CRB2: variants seen among roughly 807,000 people sequenced by gnomAD.
CRB2 encodes crumbs cell polarity complex component 2, also known as protein crumbs homolog 2.
A neutral mutation model predicts 110.9 loss-of-function variants in CRB2; 85 were observed. The ratio of observed to expected loss-of-function variants is 0.77; its 90% CI spans 0.64 to 0.92. CRB2 has a LOEUF of 0.92. CRB2 is among the 40% of genes least tolerant of loss of function. CRB2 has a pLI of 0.00. For missense variants in CRB2, 1,843 were observed against 1,851.3 expected, an observed-to-expected ratio of 1.00 and a Z score of 0.08; for synonymous variants, 907 against 831.0, an observed-to-expected ratio of 1.09 and a Z score of -1.57.
chr9:123,363,228 A>G, intron 2 of CRB2, 40 bp downstream of exon 2: 1 of 1,547,126 alleles, frequency 6.5e-7, no homozygotes, highest in Admixed American at 1.8e-5. Context: ...TCTGTAATGC[A>G]GATCGCATCA....
chr9:123,357,852 A>C (rs1456237616), intron 1 of CRB2, among the ~76,000 whole-genome samples: 1 of 152,220 alleles, frequency 6.6e-6, no homozygotes, highest in Non-Finnish European at 1.5e-5. Context: ...ATGTGCCTGC[A>C]CACCAATGTG....
chr9:123,368,210 G>A (rs183964533), intron 6 of CRB2, among the ~76,000 whole-genome samples: 7 of 152,044 alleles, frequency 4.6e-5, no homozygotes, highest in Non-Finnish European at 2.9e-5. Flanking sequence ...CCTCACACCC[G>A]CCCGCATTCC....
At chr9:123,369,393 C>A (rs1196785827) in intron 6 of CRB2, among the ~76,000 whole-genome samples, 1 of 152,172 alleles carries the variant, frequency 6.6e-6, no homozygotes, top group Non-Finnish European at 1.5e-5. Flanking sequence ...ACTTTTAATA[C>A]AGGGTTCTGG....
chr9:123,374,072 T>G (rs2042065484), intron 10 of CRB2, 152 bp downstream of exon 10: 1 of 1,046,458 alleles, frequency 9.6e-7, no homozygotes, highest in African/African-American at 1.6e-5. Context: ...ATTTGATAAA[T>G]TTCCTGATAA....
At chr9:123,354,179 C>T (rs575153008), upstream of CRB2, among the ~76,000 whole-genome samples, 9 of 152,226 alleles carry the variant, frequency 5.9e-5, no homozygotes, top group East Asian at 1.9e-4. Flanking sequence ...CCGGTGCTGT[C>T]GGGGGAGCCC....
At chr9:123,360,645 G>T (rs1425193009) in intron 1 of CRB2, among the ~76,000 whole-genome samples, 1 of 152,204 alleles carries the variant, frequency 6.6e-6, no homozygotes, top group Non-Finnish European at 1.5e-5. Context: ...GTCTGGAGTG[G>T]GTTCCAGGAA....
At chr9:123,366,391 T>A in intron 4 of CRB2, 25 bp downstream of exon 4, 1 of 1,528,150 alleles carries the variant, frequency 6.5e-7, no homozygotes, top group South Asian at 1.2e-5. Context: ...GTGCGCGGCC[T>A]GGCGGGGGGA....
At chr9:123,379,280 A>G (rs956701470), downstream of CRB2, among the ~76,000 whole-genome samples, 1 of 152,142 alleles carries the variant, frequency 6.6e-6, no homozygotes, top group Non-Finnish European at 1.5e-5. Flanking sequence ...CCAGCGTCCA[A>G]CAGAGGCAGA....
chr9:123,360,413 G>A (rs552686722), intron 1 of CRB2, among the ~76,000 whole-genome samples: 2 of 151,976 alleles, frequency 1.3e-5, no homozygotes, highest in Admixed American at 1.3e-4. Context: ...AGCCTGGCCC[G>A]GGAAGGGGGG....
chr9:123,361,700 G>T (rs1370809555), intron 1 of CRB2, among the ~76,000 whole-genome samples: 1 of 152,162 alleles, frequency 6.6e-6, no homozygotes, highest in Non-Finnish European at 1.5e-5. Flanking sequence ...CCTTGACTGC[G>T]GTGCTGGGGA....
At chr9:123,354,402 C>T (rs528307079), upstream of CRB2, among the ~76,000 whole-genome samples, 74 of 152,376 alleles carry the variant, frequency 4.9e-4, no homozygotes, top group African/African-American at 1.6e-3. Context: ...CCCAGCCCCC[C>T]ATTGGGATTG....
chr9:123,374,226 C>A, intron 10 of CRB2: 2 of 594,826 alleles, frequency 3.4e-6, no homozygotes, highest in Non-Finnish European at 6.0e-6. Context: ...CAGGCTTTGG[C>A]GCTTCCCTTA....
intron 1 of CRB2, among the ~76,000 whole-genome samples, chr9:123,359,944 A>T (rs895557172): frequency 6.8e-6 from 1 of 146,516 alleles, no homozygotes; most frequent in African/African-American, 2.4e-5. Context: ...AAACCTTTAG[A>T]GATTTTTTTT....
At chr9:123,358,212 C>T (rs541174214) in intron 1 of CRB2, among the ~76,000 whole-genome samples, 2 of 152,340 alleles carry the variant, frequency 1.3e-5, no homozygotes, top group Non-Finnish European at 2.9e-5. Flanking sequence ...AGGCCATGGG[C>T]CCCTGGCTTT....
Position 123,367,630 on chromosome 9 carries a change from G to A in CRB2, c.998G>A (p.Gly333Asp). 1 of 1,570,904 alleles carries A rather than the reference G, an allele frequency of 6.4e-7. No homozygotes were observed. The highest frequency in any genetic ancestry group is 8.6e-7 in the Non-Finnish European group (1 of 1,158,784). The change falls in exon 6 of 13, where the codon GGC becomes GAC. Residue 333 changes from glycine (G) to aspartate (D), a missense_variant. Coordinates refer to ENST00000373631, the MANE Select transcript of CRB2 (RefSeq NM_173689.7). ...ECASRPCLNG[G>D]HCQDLPNGFQ... ...GCCTCACGGCCATGCCTCAACGGAG[G>A]CCACTGCCAGGACCTGCCCAATGGC...
chr9:123,355,825 C>T (rs567315965), upstream of CRB2, among the ~76,000 whole-genome samples: 20 of 130,156 alleles, frequency 1.5e-4, no homozygotes, highest in Non-Finnish European at 2.5e-4. Flanking sequence ...GAGAGAGGCC[C>T]GGGCTGGAGA....
At chr9:123,375,893 C>CT (rs2042095848) in intron 12 of CRB2, among the ~76,000 whole-genome samples, 1 of 152,130 alleles carries the variant, frequency 6.6e-6, no homozygotes, top group African/African-American at 2.4e-5. Context: ...CGCCACACCC[C>CT]TTCCTGGGGC....
rs2041926603 is a variant in CRB2 at position 123,366,063 on chromosome 9, C to T, written c.565C>T (p.Gln189Ter). 1 of 1,572,790 alleles carries T rather than the reference C, an allele frequency of 6.4e-7. No homozygotes were observed. Among genetic ancestry groups the T allele is most frequent in the Non-Finnish European group, 8.6e-7 (1 of 1,167,088 alleles). ...TRCQLDLDECQSQPCAHGGTC... is the reference protein window; with the variant it reads ...TRCQLDLDEC ...TTGCCAGCTGGACCTCGACGAGTGC[C>T]AGAGCCAGCCGTGCGCACATGGGGG... The change falls in exon 3 of 13, where the codon CAG becomes TAG. Residue 189 changes from glutamine to a stop codon, truncating the protein, a stop_gained. Coordinates refer to ENST00000373631, the MANE Select transcript of CRB2 (RefSeq NM_173689.7). LOFTEE classifies it high-confidence loss of function.
At chr9:123,374,005 GTCGCTTCCCT>G (rs1229465211) in intron 10 of CRB2, 85 bp downstream of exon 10, 2 of 1,500,312 alleles carry the variant, frequency 1.3e-6, no homozygotes, top group Non-Finnish European at 1.8e-6. Context: ...CTGTGGATGA[GTCGCTTCCCT>G]TCCCTGGTCC....
Sources: gnomAD v4.1 joint callset for allele counts (sites outside exome capture counted in the v4.1 genomes callset) on GRCh38, gnomAD v4.1.1 for gene constraint, MANE v1.5 for transcripts, NCBI Gene and HGNC (gene_info 2026-07-23, HGNC 2026-07-21) for gene names.